The following CNTNAP2 variants were observed in gnomAD, a reference collection of about 807,000 sequenced individuals.
CNTNAP2 encodes the protein contactin-associated protein-like 2.
In CNTNAP2, 98 loss-of-function variants were observed where a neutral mutation model predicts 155.2. That is an observed-to-expected ratio of 0.63 (90% CI 0.54 to 0.75). The LOEUF (loss-of-function observed/expected upper bound fraction) is 0.75. CNTNAP2 is among the 30% of genes least tolerant of loss of function. The pLI, the probability that CNTNAP2 is intolerant of heterozygous loss-of-function variation, is 0.00. For missense variants in CNTNAP2, 1,727 were observed against 1,688.1 expected, an observed-to-expected ratio of 1.02 and a Z score of -0.40; for synonymous variants, 651 against 631.2, an observed-to-expected ratio of 1.03 and a Z score of -0.47.
intron 1 of CNTNAP2, among the ~76,000 whole-genome samples, chr7:146,174,219 A>G (rs1490321808): frequency 1.3e-5 from 2 of 151,524 alleles, no homozygotes; most frequent in Admixed American, 1.3e-4. Flanking sequence ...AAAAGGAAAG[A>G]AAAAAAAGAA....
intron 3 of CNTNAP2, among the ~76,000 whole-genome samples, chr7:146,928,303 A>G (rs558861513): frequency 1.3e-5 from 2 of 152,296 alleles, no homozygotes; most frequent in African/African-American, 4.8e-5. Flanking sequence ...ATTTCTCTAA[A>G]CAGTCTTGCA....
At chr7:148,276,729 C>T (rs139015687) in intron 21 of CNTNAP2, among the ~76,000 whole-genome samples, 17 of 152,292 alleles carry the variant, frequency 1.1e-4, no homozygotes, top group African/African-American at 3.4e-4. Context: ...CATAGAATAA[C>T]GTGATCAGAT....
At chr7:146,554,784 CAG>C (rs754331008) in intron 1 of CNTNAP2, among the ~76,000 whole-genome samples, 94 of 152,304 alleles carry the variant, frequency 6.2e-4, no homozygotes, top group Non-Finnish European at 2.1e-4. Context: ...GTGCACTGCA[CAG>C]AGTCTCCGAG....
intron 8 of CNTNAP2, among the ~76,000 whole-genome samples, chr7:147,208,972 AG>A (rs1015350110): frequency 3.3e-5 from 5 of 151,982 alleles, no homozygotes; most frequent in African/African-American, 1.2e-4. Context: ...TAAATTGAAA[AG>A]TTTCCCCTTA....
intron 20 of CNTNAP2, among the ~76,000 whole-genome samples, chr7:148,239,505 A>G (rs1262558953): frequency 6.6e-6 from 1 of 152,194 alleles, no homozygotes; most frequent in African/African-American, 2.4e-5. Context: ...ATGTATCCAG[A>G]GAAGCCTGTT....
rs774717843 is a variant in CNTNAP2 at position 147,300,177 on chromosome 7, G to A, written c.1385G>A (p.Arg462His). The change falls in exon 9 of 24, where the codon CGC becomes CAC. Residue 462 changes from arginine to histidine, a missense_variant. By Grantham distance (29) the Arg-to-His change is conservative. Transcript: ENST00000361727. Reference sequence around the variant, plus strand: ...AATGATGGACAGTGGCACGAGGTTCGCTTCCTAGCCAAGGAAAATTTTGCT... The same window carrying A: ...AATGATGGACAGTGGCACGAGGTTCACTTCCTAGCCAAGGAAAATTTTGCT... ...GLNDGQWHEV[R>H]FLAKENFAIL... 1.2e-4 allele frequency: 192 copies of A among 1,613,952 alleles called. No homozygotes were observed. In the South Asian group the frequency reaches 1.6e-3, roughly 13 times the overall value.
Position 146,192,173 on chromosome 7 carries a change from G to A in CNTNAP2, c.97+75200G>A, listed in dbSNP as rs188850905. Among the ~76,000 whole-genome samples, 10 of 152,178 alleles carry A rather than the reference G, an allele frequency of 6.6e-5. No homozygotes were observed. The East Asian group carries it at 1.2e-3, about 18-fold the overall frequency. On this transcript the variant is annotated intron_variant, in intron 1 of 23. Coordinates refer to ENST00000361727, the MANE Select transcript of CNTNAP2 (RefSeq NM_014141.6). ...ATCGCTTCAGCCGGTCCCTCCGTTC[G>A]GGGTCCCTGACTTCCCACAACAACC... is the stretch of plus-strand genomic sequence containing the variant.
intron 3 of CNTNAP2, among the ~76,000 whole-genome samples, chr7:146,927,640 T>A (rs758961129): frequency 5.9e-5 from 9 of 151,790 alleles, no homozygotes; most frequent in Non-Finnish European, 1.3e-4. Flanking sequence ...TTCGTTAAGG[T>A]AACACATTTC....
intron 1 of CNTNAP2, among the ~76,000 whole-genome samples, chr7:146,675,888 A>T (rs1260843629): frequency 6.6e-6 from 1 of 152,124 alleles, no homozygotes; most frequent in South Asian, 2.1e-4. Flanking sequence ...GCTTCATTTT[A>T]TTAGTAAGTA....
At chr7:146,750,563 C>G (rs1189616415) in intron 1 of CNTNAP2, among the ~76,000 whole-genome samples, 1 of 152,078 alleles carries the variant, frequency 6.6e-6, no homozygotes, top group African/African-American at 2.4e-5. Context: ...TACTGGTGGG[C>G]TTCTTGAGCA....
chr7:148,415,691 T>G lies in CNTNAP2; in HGVS notation c.*75T>G. ...AGAGAAAGGGACAAAAGCACCCTGC[T>G]TCATACTCTTGAGCACATCCTTAAA... is the stretch of plus-strand genomic sequence containing the variant. On this transcript the variant is annotated 3_prime_UTR_variant, in exon 24 of 24. Transcript: ENST00000361727. The G allele has an allele frequency of 3.3e-6, 5 of 1,536,504 alleles. No homozygotes were observed. The highest frequency in any genetic ancestry group is 4.5e-6 in the Non-Finnish European group (5 of 1,115,018).
intron 9 of CNTNAP2, among the ~76,000 whole-genome samples, chr7:147,350,015 G>T (rs1344670972): frequency 2.6e-5 from 4 of 151,786 alleles, no homozygotes; most frequent in Non-Finnish European, 5.9e-5. Flanking sequence ...CATGAATAAT[G>T]AACAAATTTA....
chr7:146,364,684 A>G (rs1299917755), intron 1 of CNTNAP2, among the ~76,000 whole-genome samples: 1 of 152,204 alleles, frequency 6.6e-6, no homozygotes, highest in Non-Finnish European at 1.5e-5. Flanking sequence ...TAGTTTAAAA[A>G]AAGAATTTTC....
chr7:148,057,910 A>G (rs938688162), intron 15 of CNTNAP2, among the ~76,000 whole-genome samples: 2 of 151,154 alleles, frequency 1.3e-5, no homozygotes, highest in African/African-American at 4.8e-5. Flanking sequence ...CTGCTTAGGA[A>G]CAAAGAGAAA....
intron 13 of CNTNAP2, among the ~76,000 whole-genome samples, chr7:147,693,018 G>A (rs1446069524): frequency 6.6e-6 from 1 of 151,954 alleles, no homozygotes; most frequent in Non-Finnish European, 1.5e-5. Flanking sequence ...ATTGTTGTGA[G>A]GGGTTCAAGG....
intron 13 of CNTNAP2, among the ~76,000 whole-genome samples, chr7:147,815,018 C>G (rs950075638): frequency 6.6e-6 from 1 of 151,996 alleles, no homozygotes; most frequent in Non-Finnish European, 1.5e-5. Context: ...GAAGAGAGCA[C>G]CAGGGGTTGG....
Position 147,499,421 on chromosome 7 carries a change from C to T in CNTNAP2, c.1777+13380C>T, listed in dbSNP as rs188337659. On this transcript the variant is annotated intron_variant, in intron 11 of 23. Transcript: ENST00000361727. ...GCAGGCGCCTGTAGTCCCAGCTACT[C>T]GGGAGGCTGAGGCAAGAGAATGGCC... is the stretch of plus-strand genomic sequence containing the variant. Among the ~76,000 whole-genome samples, 1,255 of 151,990 alleles carry T rather than the reference C, an allele frequency of 8.3e-3. 20 individuals carry two copies. Among genetic ancestry groups the T allele is most frequent in the African/African-American group, 0.029 (1,204 of 41,452 alleles).
At chr7:146,915,232 A>ATAGTAT (rs1796370043) in intron 3 of CNTNAP2, among the ~76,000 whole-genome samples, 3 of 152,078 alleles carry the variant, frequency 2.0e-5, no homozygotes, top group African/African-American at 7.2e-5. Flanking sequence ...GTATAGGTTG[A>ATAGTAT]AGTAGGGTAA....
intron 13 of CNTNAP2, among the ~76,000 whole-genome samples, chr7:147,751,728 C>T (rs145187864): frequency 1.3e-5 from 2 of 152,240 alleles, no homozygotes; most frequent in Non-Finnish European, 1.5e-5. Context: ...TAATCACAGC[C>T]CCGAACTTGG....
Sources: gnomAD v4.1 joint callset for allele counts (sites outside exome capture counted in the v4.1 genomes callset) on GRCh38, gnomAD v4.1.1 for gene constraint, MANE v1.5 for transcripts, NCBI Gene and HGNC (gene_info 2026-07-23, HGNC 2026-07-21) for gene names.